The following PRKN variants were observed in gnomAD, a reference collection of about 807,000 sequenced individuals.
PRKN encodes E3 ubiquitin-protein ligase parkin.
PRKN carries 56 observed loss-of-function variants against 59.5 expected under a neutral mutation model. That is an observed-to-expected ratio of 0.94 (90% confidence interval 0.76 to 1.18). PRKN has a LOEUF of 1.18. Among genes scored for constraint, PRKN ranks in the 50% most tolerant of loss-of-function variants. The pLI is 0.00. For missense variants in PRKN, 657 were observed against 596.4 expected (o/e 1.10, Z -1.06); for synonymous variants, 250 against 222.1 (o/e 1.13, Z -1.12).
At chr6:162,707,709 G>T (rs1269593755) in intron 1 of PRKN, among the ~76,000 whole-genome samples, 1 of 151,980 alleles carries the variant, frequency 6.6e-6, no homozygotes, top group Non-Finnish European at 1.5e-5. Context: ...TGAGTAGCTG[G>T]GACTACAGGT....
intron 1 of PRKN, among the ~76,000 whole-genome samples, chr6:162,648,244 T>C (rs6941209): frequency 0.19 from 29,489 of 152,080 alleles, 3,508 homozygotes; most frequent in East Asian, 0.47. Context: ...GATTTTATAA[T>C]CACGTTTTTG....
Position 162,412,022 on chromosome 6 carries a change from A to ATTT in PRKN, c.171+31285_171+31287dup, listed in dbSNP as rs34662241. Among the ~76,000 whole-genome samples, 221 of 149,320 alleles carry ATTT rather than the reference A, an allele frequency of 1.5e-3. 1 individual carries two copies. The highest frequency in any genetic ancestry group is 0.015 in the East Asian group (74 of 5,092). ...ATTTCTTTGGTCACAGCTGAGAGGC[A>ATTT]TTTTTTTTTTTCTGATCTGGAAAAC... On this transcript the variant is annotated intron_variant, in intron 2 of 11. Coordinates refer to ENST00000366898, the MANE Select transcript of PRKN (RefSeq NM_004562.3).
chr6:162,198,585 C>T (rs757800493), intron 4 of PRKN, among the ~76,000 whole-genome samples: 17 of 151,938 alleles, frequency 1.1e-4, no homozygotes, highest in Non-Finnish European at 4.4e-5. Flanking sequence ...AGCTAATCTG[C>T]ACAAAAGGAA....
chr6:162,169,703 G>A (rs1783170063), intron 4 of PRKN, among the ~76,000 whole-genome samples: 1 of 152,178 alleles, frequency 6.6e-6, no homozygotes, highest in Non-Finnish European at 1.5e-5. Flanking sequence ...TAAGGCATGT[G>A]CCACTTTTAG....
At chr6:161,507,891 G>C (rs571620656) in intron 9 of PRKN, among the ~76,000 whole-genome samples, 1 of 152,034 alleles carries the variant, frequency 6.6e-6, no homozygotes, top group African/African-American at 2.4e-5. Flanking sequence ...TGTATGCTCA[G>C]TGCAAAACAT....
chr6:161,389,946 G>C (rs901358569), intron 9 of PRKN, among the ~76,000 whole-genome samples: 1 of 152,172 alleles, frequency 6.6e-6, no homozygotes, highest in Non-Finnish European at 1.5e-5. Context: ...TGAGAAATAA[G>C]AGAAAGGGAA....
chr6:162,065,110 C>T (rs546056034), intron 4 of PRKN, among the ~76,000 whole-genome samples: 1 of 152,296 alleles, frequency 6.6e-6, no homozygotes, highest in East Asian at 1.9e-4. Context: ...AATTGGCTCA[C>T]ATGATCACAA....
intron 1 of PRKN, among the ~76,000 whole-genome samples, chr6:162,450,931 G>A (rs748125215): frequency 3.3e-5 from 5 of 152,154 alleles, no homozygotes; most frequent in Admixed American, 1.3e-4. Context: ...AATGTAAGAA[G>A]TTTAAAATAG....
intron 7 of PRKN, among the ~76,000 whole-genome samples, chr6:161,640,222 T>C (rs1403906223): frequency 6.6e-6 from 1 of 152,236 alleles, no homozygotes; most frequent in African/African-American, 2.4e-5. Context: ...CCCCCAGTTT[T>C]CTGGTTGTAG....
rs1784613475 is a variant in PRKN at position 161,352,776 on chromosome 6, ATTT to A, written c.1286-2568_1286-2566del. 2.0e-5 allele frequency among the ~76,000 whole-genome samples: 2 copies of A among 101,122 alleles called. No homozygotes were observed. The highest frequency in any genetic ancestry group is 4.0e-5 in the Non-Finnish European group (2 of 49,712). 66.3% of individuals were successfully genotyped at this position (101,122 alleles called of 152,430 possible). A position where few individuals can be genotyped will look rare whatever the true frequency, so the allele number is the denominator to read the frequency against. ...GTGTGTATATATATATATATATTTT[ATTT>A]TATTTTATTTTATTTTTTTGAGATG... On this transcript the variant is annotated intron_variant, in intron 11 of 11. Transcript: ENST00000366898. The surrounding 1 kb of genome is among the most constrained non-coding windows in gnomAD (Gnocchi z 5.8).
chr6:162,132,387 G>C (rs1781399927), intron 4 of PRKN, among the ~76,000 whole-genome samples: 1 of 152,108 alleles, frequency 6.6e-6, no homozygotes, highest in African/African-American at 2.4e-5. Context: ...GGCCATACCA[G>C]AGGCAGCAAG....
rs1476444886 is a variant in PRKN, at chr6:162,209,929, G to A, written c.413-8677C>T. On this transcript the variant is annotated intron_variant, in intron 3 of 11. Coordinates refer to ENST00000366898, the MANE Select transcript of PRKN (RefSeq NM_004562.3). ...CAATGAGAACACTTGGATGCAGGGC[G>A]GGGAACATCACACACTGGGGCCTGT... 4.6e-5 allele frequency among the ~76,000 whole-genome samples: 7 copies of A among 151,774 alleles called. No homozygotes were observed. The South Asian group carries it at 1.0e-3, about 23-fold the overall frequency.
intron 1 of PRKN, among the ~76,000 whole-genome samples, chr6:162,522,819 G>A (rs1778129860): frequency 6.6e-6 from 1 of 151,224 alleles, no homozygotes; most frequent in African/African-American, 2.4e-5. Flanking sequence ...AAAAATCAAT[G>A]TTTACAGAGT....
intron 1 of PRKN, among the ~76,000 whole-genome samples, chr6:162,457,728 T>A (rs1790946378): frequency 6.6e-6 from 1 of 151,018 alleles, no homozygotes; most frequent in South Asian, 2.1e-4. Context: ...GTGTTTGTCT[T>A]ATTAATAATG....
chr6:162,602,474 G>A (rs77718229), intron 1 of PRKN, among the ~76,000 whole-genome samples: 12,824 of 152,226 alleles, frequency 0.084, 712 homozygotes, highest in East Asian at 0.23. Context: ...AGAGTTTGTT[G>A]TGAAGGCTCC....
At chr6:161,961,148 C>CT in intron 6 of PRKN, among the ~76,000 whole-genome samples, 1 of 152,240 alleles carries the variant, frequency 6.6e-6, no homozygotes, top group South Asian at 2.1e-4. Context: ...TGTGTCTGGA[C>CT]TGAGCGCACA....
intron 6 of PRKN, among the ~76,000 whole-genome samples, chr6:161,838,865 G>C (rs1448960092): frequency 1.3e-5 from 2 of 152,148 alleles, no homozygotes. Flanking sequence ...TATAGGTCAA[G>C]GTAAGTGGCA....
At chr6:161,727,278 G>A (rs1202947159) in intron 7 of PRKN, among the ~76,000 whole-genome samples, 5 of 152,088 alleles carry the variant, frequency 3.3e-5, no homozygotes, top group East Asian at 3.9e-4. Flanking sequence ...ATTAGTTCCC[G>A]CTGTTATCCT....
chr6:161,707,492 G>A (rs1300633610), intron 7 of PRKN, among the ~76,000 whole-genome samples: 1 of 152,094 alleles, frequency 6.6e-6, no homozygotes, highest in East Asian at 1.9e-4. Flanking sequence ...CACACATATG[G>A]ATGGCTCATA....
Sources: gnomAD v4.1 joint callset for allele counts (sites outside exome capture counted in the v4.1 genomes callset) on GRCh38, gnomAD v4.1.1 for gene constraint, Gnocchi (gnomAD v3.1) non-coding constraint, MANE v1.5 for transcripts, NCBI Gene and HGNC (gene_info 2026-07-23, HGNC 2026-07-21) for gene names.